DNAJC6: variants seen among roughly 807,000 people sequenced by gnomAD.
DNAJC6 encodes DnaJ heat shock protein family (Hsp40) member C6.
In DNAJC6, 34 loss-of-function variants were observed where a neutral mutation model predicts 110.0. The observed-to-expected ratio is 0.31, with a 90% CI of 0.24 to 0.41. The LOEUF is 0.41. Among genes scored for constraint, DNAJC6 ranks in the 10% least tolerant of loss-of-function variants. DNAJC6 has a pLI of 1.00. For missense variants in DNAJC6, 1,031 were observed against 1,207.8 expected, an observed-to-expected ratio of 0.85 and a Z score of 2.17; for synonymous variants, 406 against 437.2, an observed-to-expected ratio of 0.93 and a Z score of 0.89.
At chr1:65,271,774 G>A (rs1374121203) in intron 1 of DNAJC6, among the ~76,000 whole-genome samples, 1 of 151,692 alleles carries the variant, frequency 6.6e-6, no homozygotes, top group Non-Finnish European at 1.5e-5. Context: ...GGAGGCTGTG[G>A]TGGGAGGATT....
intron 1 of DNAJC6, among the ~76,000 whole-genome samples, chr1:65,318,657 C>G (rs1405010792): frequency 6.6e-6 from 1 of 152,098 alleles, no homozygotes; most frequent in African/African-American, 2.4e-5. Flanking sequence ...AAGATGAGAA[C>G]ACATGGACAC....
chr1:65,312,721 G>A (rs1390384819), intron 1 of DNAJC6, among the ~76,000 whole-genome samples: 2 of 152,184 alleles, frequency 1.3e-5, no homozygotes, highest in African/African-American at 4.8e-5. Flanking sequence ...TATTAAATAG[G>A]TTGGGGAAGC....
At position 65,389,544 on chromosome 1, in the gene DNAJC6, C is replaced by T. The variant is rs757677534; in HGVS notation, c.1388-3C>T. 1.9e-6 allele frequency: 3 copies of T among 1,614,116 alleles called. No homozygotes were observed. The highest frequency in any genetic ancestry group is 1.7e-5 in the Admixed American group (1 of 60,010). On this transcript the variant is annotated splice_region_variant and splice_polypyrimidine_tract_variant and intron_variant, in intron 10 of 18. Coordinates refer to ENST00000371069, the MANE Select transcript of DNAJC6 (RefSeq NM_001256864.2). The stretch of plus-strand genomic sequence containing the variant: ...GATGCTACATGGTCTTTTTGTCTTG[C>T]AGGACAGGCTCCAATAGATATCCCT...
intron 15 of DNAJC6, among the ~76,000 whole-genome samples, chr1:65,405,187 C>T (rs927183922): frequency 6.6e-6 from 1 of 152,096 alleles, no homozygotes; most frequent in Non-Finnish European, 1.5e-5. Context: ...TACTTAAATT[C>T]CTGGCACAAA....
In DNAJC6 at chr1:65,309,647, ATTT is replaced by A. The variant is rs373500242; in HGVS notation, c.-86_-84del. On this transcript the variant is annotated 5_prime_UTR_variant, in exon 1 of 19. Transcript: ENST00000371069. ...CTCTTTGCGTCATGTCGGGCACTTA[ATTT>A]TTTTTTTTTTTTAATTCCTTCTTCA... 12 of 1,198,566 alleles carry A rather than the reference ATTT, an allele frequency of 1.0e-5. No individual in the cohort carries two copies. Among genetic ancestry groups the A allele is most frequent in the Admixed American group, 7.0e-5 (2 of 28,626 alleles). 74.2% of individuals were successfully genotyped at this position (1,198,566 alleles called of 1,614,324 possible).
chr1:65,304,926 C>T (rs13375297), upstream of DNAJC6, among the ~76,000 whole-genome samples: 9,009 of 152,210 alleles, frequency 0.059, 872 homozygotes, highest in African/African-American at 0.2. Flanking sequence ...AGTACAGGAC[C>T]GACAAAACAC....
intron 1 of DNAJC6, among the ~76,000 whole-genome samples, chr1:65,330,173 T>C (rs914396834): frequency 6.6e-5 from 10 of 152,182 alleles, no homozygotes; most frequent in Non-Finnish European, 1.0e-4. Flanking sequence ...ACCCTAGTCA[T>C]TCTCCTTATG....
At chr1:65,270,409 A>T (rs1421470313) in intron 1 of DNAJC6, among the ~76,000 whole-genome samples, 2 of 152,180 alleles carry the variant, frequency 1.3e-5, no homozygotes, top group Non-Finnish European at 2.9e-5. Flanking sequence ...CTCAGAGTTT[A>T]AAAATGACTT....
intron 1 of DNAJC6, among the ~76,000 whole-genome samples, chr1:65,361,366 A>G (rs914726154): frequency 6.6e-6 from 1 of 152,206 alleles, no homozygotes; most frequent in Non-Finnish European, 1.5e-5. Flanking sequence ...TAGATGTCTA[A>G]TGGTGACTTA....
chr1:65,344,427 C>T (rs1415400986), intron 1 of DNAJC6, among the ~76,000 whole-genome samples: 1 of 152,138 alleles, frequency 6.6e-6, no homozygotes, highest in Non-Finnish European at 1.5e-5. Context: ...TAGGGACAGT[C>T]CTCCAAAGCA....
intron 1 of DNAJC6, among the ~76,000 whole-genome samples, chr1:65,349,733 T>TTCTTTC (rs2101514740): frequency 6.6e-6 from 1 of 152,082 alleles, no homozygotes; most frequent in South Asian, 2.1e-4. Context: ...TACTAAGATT[T>TTCTTTC]TCTTTTTCTT....
chr1:65,301,371 G>A (rs1169302789), intron 1 of DNAJC6, among the ~76,000 whole-genome samples: 5 of 151,984 alleles, frequency 3.3e-5, no homozygotes, highest in Non-Finnish European at 5.9e-5. Flanking sequence ...CACCAGCTGC[G>A]TGTCCTCCAA....
rs564672952 is a variant in DNAJC6 at position 65,309,678 on chromosome 1, C to T, written c.-68C>T. On this transcript the variant is annotated 5_prime_UTR_variant, in exon 1 of 19. Coordinates refer to ENST00000371069, the MANE Select transcript of DNAJC6 (RefSeq NM_001256864.2). ...TTTTTTTTTTAATTCCTTCTTCAGC[C>T]CTTTCCACCTTCCATCTCCCTTTTC... 2.8e-4 allele frequency: 422 copies of T among 1,525,058 alleles called. 3 individuals carry two copies. In the African/African-American group the frequency reaches 4.9e-3, roughly 18 times the overall value. The allele number at this position is 1,525,058 out of a possible 1,614,324, so 94.5% of individuals were successfully genotyped here.
chr1:65,386,966 T>G, intron 8 of DNAJC6, 37 bp downstream of exon 8: 8 of 1,522,870 alleles, frequency 5.3e-6, no homozygotes, highest in Non-Finnish European at 7.3e-6. Flanking sequence ...TAAGTTCATC[T>G]GAGTCTTCAA....
In DNAJC6 at chr1:65,350,626, G is replaced by A. The variant is rs190316989; in HGVS notation, c.194-14009G>A. ...TATTCTGGAAGACAGTTAAATTACC[G>A]ACATATCCTTCTGGTCATTAGGCTT... On this transcript the variant is annotated intron_variant, in intron 1 of 18. Transcript: ENST00000371069. Among the ~76,000 whole-genome samples, 226 of 152,284 alleles carry A rather than the reference G, an allele frequency of 1.5e-3. 1 individual carries two copies. Among genetic ancestry groups the A allele is most frequent in the African/African-American group, 5.2e-3 (218 of 41,558 alleles).
chr1:65,330,069 T>A (rs965987887), intron 1 of DNAJC6, among the ~76,000 whole-genome samples: 1 of 152,188 alleles, frequency 6.6e-6, no homozygotes, highest in African/African-American at 2.4e-5. Context: ...TGCCCTTGAG[T>A]TACTTGAAAC....
chr1:65,351,770 T>C (rs1490742629), intron 1 of DNAJC6, among the ~76,000 whole-genome samples: 1 of 152,038 alleles, frequency 6.6e-6, no homozygotes, highest in Non-Finnish European at 1.5e-5. Context: ...GTTATATATA[T>C]TTTTTTTTTC....
intron 1 of DNAJC6, among the ~76,000 whole-genome samples, chr1:65,364,205 C>A (rs967711233): frequency 6.6e-6 from 1 of 151,938 alleles, no homozygotes; most frequent in Non-Finnish European, 1.5e-5. Flanking sequence ...GCTATAATTT[C>A]TTTAATTCAA....
intron 1 of DNAJC6, among the ~76,000 whole-genome samples, chr1:65,349,494 T>C (rs185416933): frequency 3.9e-4 from 59 of 152,280 alleles, no homozygotes; most frequent in African/African-American, 1.4e-3. Context: ...TTTTAGCATT[T>C]CTTATAATGC....
Sources: allele counts gnomAD v4.1 joint callset (sites outside exome capture counted in the v4.1 genomes callset), GRCh38; gene constraint gnomAD v4.1.1; transcripts MANE v1.5; gene names NCBI Gene and HGNC (gene_info 2026-07-23, HGNC 2026-07-21).